TMEM132E: variants seen among roughly 807,000 people sequenced by gnomAD.
TMEM132E encodes the protein transmembrane protein 132E.
A neutral mutation model predicts 78.5 loss-of-function variants in TMEM132E; 49 were observed. The observed-to-expected ratio is 0.62, with a 90% CI of 0.50 to 0.79. The LOEUF is 0.79. Ranked by LOEUF, TMEM132E falls within the 30% of genes least tolerant of loss-of-function variation. The probability of loss-of-function intolerance (pLI) is 0.00; values close to 1 mark genes in which losing one functional copy is unlikely to be tolerated. For synonymous variants in TMEM132E, 715 were observed against 670.6 expected, an observed-to-expected ratio of 1.07 and a Z score of -1.02; for missense variants, 1,403 against 1,470.9, an observed-to-expected ratio of 0.95 and a Z score of 0.75.
chr17:34,594,409 T>C (rs1454650527), intron 1 of TMEM132E, among the ~76,000 whole-genome samples: 2 of 152,226 alleles, frequency 1.3e-5, no homozygotes, highest in Non-Finnish European at 2.9e-5. Context: ...ATCCCAGCTG[T>C]GTGGTCTTGG....
intron 1 of TMEM132E, among the ~76,000 whole-genome samples, chr17:34,583,936 C>T (rs1905579564): frequency 6.6e-6 from 1 of 152,232 alleles, no homozygotes; most frequent in Non-Finnish European, 1.5e-5. Flanking sequence ...TCCCAGTCTC[C>T]AGCCCTCTTC....
In TMEM132E at chr17:34,580,843, G is replaced by A. The variant is rs4795937; in HGVS notation, c.-234G>A. 0.1 allele frequency: 46,481 copies of A among 455,300 alleles called. 3,194 individuals carry two copies. The highest frequency in any genetic ancestry group is 0.28 in the East Asian group (7,472 of 27,136). The allele number at this position is 455,300 out of a possible 1,614,324, so 28.2% of individuals were successfully genotyped here. A position where few individuals can be genotyped will look rare whatever the true frequency, so the allele number is the denominator to read the frequency against. On this transcript the variant is annotated 5_prime_UTR_variant, in exon 1 of 9. Coordinates refer to ENST00000631683, the MANE Select transcript of TMEM132E (RefSeq NM_001304438.2). ...GCAGGGGGCACCAGCTGGGGGAGGT[G>A]GAGGCTCCTCCCGCCCGGAGCTGCG... is the stretch of plus-strand genomic sequence containing the variant.
chr17:34,626,753 C>G lies in TMEM132E; in HGVS notation c.694C>G (p.Leu232Val). Residue 232 changes from leucine (L) to valine (V), a missense_variant, in exon 2 of 9, where the codon CTC becomes GTC. Physicochemically the swap from Leu to Val is conservative, Grantham distance 32. Around this residue, in one of 3 missense-constraint regions of TMEM132E, gnomAD observed 511 missense variants for 499.0 expected, o/e 1.02. Coordinates refer to ENST00000631683, the MANE Select transcript of TMEM132E (RefSeq NM_001304438.2). ...GACGGGGGAGAGCCAGCAGGCCGAG[C>G]TCTACTACACGCTCCACGCCCCTGA... is the stretch of plus-strand genomic sequence containing the variant. ...EATGESQQAE[L>V]YYTLHAPDAS... is the part of the protein sequence containing the mutation. 1 of 1,394,650 alleles carries G rather than the reference C, an allele frequency of 7.2e-7. No individual in the cohort carries two copies. Among genetic ancestry groups the G allele is most frequent in the Non-Finnish European group, 9.5e-7 (1 of 1,056,246 alleles). The allele number at this position is 1,394,650 out of a possible 1,614,324, so 86.4% of individuals were successfully genotyped here.
intron 7 of TMEM132E, 168 bp from the exon 8 acceptor site, chr17:34,635,839 G>A (rs1315776887): frequency 1.8e-6 from 1 of 551,728 alleles, no homozygotes; most frequent in East Asian, 3.5e-5. Flanking sequence ...TCTGGACACT[G>A]GTTCCTGGTT....
At chr17:34,633,216 C>A (rs1286269472) in intron 6 of TMEM132E, among the ~76,000 whole-genome samples, 17 of 152,230 alleles carry the variant, frequency 1.1e-4, no homozygotes, top group Admixed American at 1.1e-3. Flanking sequence ...TCAAGTGGCA[C>A]AAGGAGAGAA....
intron 1 of TMEM132E, among the ~76,000 whole-genome samples, chr17:34,587,528 C>A (rs1414491320): frequency 6.6e-6 from 1 of 152,104 alleles, no homozygotes; most frequent in African/African-American, 2.4e-5. Flanking sequence ...GACTGATGAC[C>A]ACTTTGCCCA....
At chr17:34,616,310 G>T (rs1375441430) in intron 1 of TMEM132E, among the ~76,000 whole-genome samples, 1 of 152,186 alleles carries the variant, frequency 6.6e-6, no homozygotes, top group Non-Finnish European at 1.5e-5. Flanking sequence ...CAAGCATGGG[G>T]GTGGGGTGGA....
At chr17:34,627,737 T>G (rs1168494892) in intron 2 of TMEM132E, among the ~76,000 whole-genome samples, 1 of 152,226 alleles carries the variant, frequency 6.6e-6, no homozygotes, top group Non-Finnish European at 1.5e-5. Flanking sequence ...CCAGGCACTA[T>G]GCCTTGGACC....
Position 34,599,804 on chromosome 17 carries a change from G to A in TMEM132E, c.67+18661G>A, listed in dbSNP as rs148040748. 6.6e-3 allele frequency among the ~76,000 whole-genome samples: 1,000 copies of A among 152,294 alleles called. 11 individuals carry two copies. Among genetic ancestry groups the A allele is most frequent in the African/African-American group, 0.023 (951 of 41,546 alleles). ...GAGCCTCACTCACTGTCAGAGCAAG[G>A]CTTCCCAAGTGTGGTGGAGGGAGTG... is the stretch of plus-strand genomic sequence containing the variant. On this transcript the variant is annotated intron_variant, in intron 1 of 8. Transcript: ENST00000631683.
chr17:34,600,842 C>T (rs1262506521), intron 1 of TMEM132E, among the ~76,000 whole-genome samples: 1 of 152,280 alleles, frequency 6.6e-6, no homozygotes, highest in Admixed American at 6.5e-5. Context: ...GTGATGGATG[C>T]ACCTGCAGAG....
rs144692952 is a variant in TMEM132E at position 34,634,868 on chromosome 17, C to T, written c.1758C>T (p.Cys586=). 2.8e-4 allele frequency: 445 copies of T among 1,614,168 alleles called. 2 individuals carry two copies. In the African/African-American group the frequency reaches 5.4e-3, roughly 20 times the overall value. Residue 586 remains cysteine, a synonymous_variant, in exon 7 of 9, where the codon TGC becomes TGT. Coordinates refer to ENST00000631683, the MANE Select transcript of TMEM132E (RefSeq NM_001304438.2). The part of the protein sequence containing the change: ...EERRQSASRG[C]TLQYQHATLQ... The stretch of plus-strand genomic sequence containing the variant: ...GGCGGCAGAGTGCAAGCCGTGGCTG[C>T]ACCCTGCAGTACCAGCATGCCACCC...
chr17:34,607,997 T>C (rs1375073005), intron 1 of TMEM132E, among the ~76,000 whole-genome samples: 2 of 152,214 alleles, frequency 1.3e-5, no homozygotes, highest in Admixed American at 1.3e-4. Context: ...GATTCGATCA[T>C]TGGCCATTGT....
chr17:34,598,322 G>A (rs1350748980), intron 1 of TMEM132E, among the ~76,000 whole-genome samples: 2 of 152,102 alleles, frequency 1.3e-5, no homozygotes, highest in Non-Finnish European at 2.9e-5. Context: ...CAGGTGATGG[G>A]ACAGTGAGGG....
chr17:34,583,718 C>T (rs1029508465), intron 1 of TMEM132E, among the ~76,000 whole-genome samples: 3 of 152,152 alleles, frequency 2.0e-5, no homozygotes, highest in Non-Finnish European at 2.9e-5. Flanking sequence ...CTGACTCTGG[C>T]GCCACCGGGC....
intron 6 of TMEM132E, among the ~76,000 whole-genome samples, chr17:34,634,027 G>A (rs780245175): frequency 3.9e-5 from 6 of 152,192 alleles, no homozygotes; most frequent in Non-Finnish European, 8.8e-5. Flanking sequence ...GGATTTTTGT[G>A]AGGAATAAAT....
Position 34,597,776 on chromosome 17 carries a change from C to G in TMEM132E, c.67+16633C>G, listed in dbSNP as rs1323201114. 2.0e-5 allele frequency among the ~76,000 whole-genome samples: 3 copies of G among 152,282 alleles called. No homozygotes were observed. In the East Asian group the frequency reaches 5.8e-4, roughly 29 times the overall value. On this transcript the variant is annotated intron_variant, in intron 1 of 8. Transcript: ENST00000631683. ...TCCCATGAGCCTCTGGCCTGGCCCA[C>G]CTTTCCATCCATAACCTCCACTCAT...
chr17:34,615,683 G>A (rs1906758385), intron 1 of TMEM132E, among the ~76,000 whole-genome samples: 1 of 151,860 alleles, frequency 6.6e-6, no homozygotes, highest in African/African-American at 2.4e-5. Context: ...AAACAGCAGG[G>A]TCTCCACCCT....
chr17:34,628,583 T>G lies in TMEM132E; in HGVS notation c.1019T>G (p.Val340Gly). 1 of 1,614,006 alleles carries G rather than the reference T, an allele frequency of 6.2e-7. No homozygotes were observed. The highest frequency in any genetic ancestry group is 8.5e-7 in the Non-Finnish European group (1 of 1,179,978). The part of the protein sequence containing the change: ...FTLRVKAKKG[V>G]TLLGTKSRSG... Reference sequence around the variant, plus strand: ...CCCAGGGTGAAGGCCAAGAAGGGTGTGACCCTTTTAGGTACCAAGTCACGG... The same window carrying G: ...CCCAGGGTGAAGGCCAAGAAGGGTGGGACCCTTTTAGGTACCAAGTCACGG... Residue 340 changes from valine to glycine, a missense_variant, in exon 3 of 9, where the codon GTG becomes GGG. This residue lies in a region of TMEM132E where 511 missense variants were observed against 499.0 expected (regional missense o/e 1.02). Coordinates refer to ENST00000631683, the MANE Select transcript of TMEM132E (RefSeq NM_001304438.2).
intron 1 of TMEM132E, among the ~76,000 whole-genome samples, chr17:34,600,339 A>C (rs1370316379): frequency 6.6e-6 from 1 of 152,130 alleles, no homozygotes; most frequent in African/African-American, 2.4e-5. Context: ...TGTGTGGGAA[A>C]GTATTGAAAT....
Sources: gnomAD v4.1 joint callset for allele counts (sites outside exome capture counted in the v4.1 genomes callset) on GRCh38, gnomAD v4.1.1 for gene constraint, gnomAD v4.1.1 regional missense constraint, MANE v1.5 for transcripts, NCBI Gene and HGNC (gene_info 2026-07-23, HGNC 2026-07-21) for gene names.